STKLD1: variants seen among roughly 807,000 people sequenced by gnomAD.
STKLD1 encodes serine/threonine kinase like domain containing 1, also known as serine/threonine kinase-like domain-containing protein STKLD1.
STKLD1 carries 79 observed loss-of-function variants against 80.4 expected under a neutral mutation model. The observed-to-expected ratio is 0.98, with a 90% CI of 0.82 to 1.19. The LOEUF (loss-of-function observed/expected upper bound fraction) is 1.19, where lower values mean the gene tolerates loss of function less well. Among genes scored for constraint, STKLD1 ranks in the 50% most tolerant of loss-of-function variants. STKLD1 has a pLI of 0.00. For synonymous variants in STKLD1, 393 were observed against 357.6 expected (o/e 1.10, Z -1.12); for missense variants, 841 against 856.0 (o/e 0.98, Z 0.22).
At chr9:133,395,560 T>A (rs1554776576) in intron 8 of STKLD1, 40 bp from the exon 9 acceptor site, 1 of 1,581,852 alleles carries the variant, frequency 6.3e-7, no homozygotes. Context: ...AGTTTTCATT[T>A]ACTTAAGGGA....
At position 133,385,527 on chromosome 9, in the gene STKLD1, T is replaced by C. The variant is rs1409132189; in HGVS notation, c.220-90T>C. 13 of 1,279,270 alleles carry C rather than the reference T, an allele frequency of 1.0e-5. No individual in the cohort carries two copies. Among genetic ancestry groups the C allele is most frequent in the African/African-American group, 1.5e-5 (1 of 68,718 alleles). 79.2% of individuals were successfully genotyped at this position (1,279,270 alleles called of 1,614,324 possible). ...CCCAGCTCAGAGCCCGAGGCTTGCA[T>C]GTTTGTTGGGATGTGTGACAGAGAA... On this transcript the variant is annotated intron_variant, in intron 3 of 17. Transcript: ENST00000371957. The surrounding 1 kb of genome is among the most constrained non-coding windows in gnomAD (Gnocchi z 4.9).
chr9:133,391,841 TAA>T (rs375903398), intron 7 of STKLD1, among the ~76,000 whole-genome samples: 47 of 136,810 alleles, frequency 3.4e-4, no homozygotes, highest in African/African-American at 7.8e-4. Context: ...AATGATCAAT[TAA>T]AAAAAAAAAA....
At chr9:133,395,543 G>A (rs1208349768) in intron 8 of STKLD1, 57 bp from the exon 9 acceptor site, 4 of 1,566,572 alleles carry the variant, frequency 2.6e-6, no homozygotes, top group Non-Finnish European at 3.5e-6. Context: ...TGCCCATGCT[G>A]GGACCTAGTT....
At chr9:133,404,160 A>C in intron 16 of STKLD1, 112 bp downstream of exon 16, 1 of 1,327,890 alleles carries the variant, frequency 7.5e-7, no homozygotes, top group Non-Finnish European at 1.0e-6. Context: ...AACAAATCAA[A>C]AAGGAAAAGA....
chr9:133,389,602 T>TG lies in STKLD1; in HGVS notation c.467+10dup. ...CATTTGGACATCATCCACAGGTAAG[T>TG]GGGGCCCCTGACCTCTGCGGACTGG... On this transcript the variant is annotated splice_region_variant and intron_variant, in intron 6 of 17. Coordinates refer to ENST00000371957, the MANE Select transcript of STKLD1 (RefSeq NM_153710.5). This position sits in a 1 kb window ranked among gnomAD's most constrained non-coding sequence, Gnocchi z 6.4. The TG allele has an allele frequency of 6.2e-7, 1 of 1,613,390 alleles. No homozygotes were observed.
chr9:133,388,860 C>T (rs1411191112), intron 5 of STKLD1: 11 of 985,406 alleles, frequency 1.1e-5, no homozygotes, highest in South Asian at 4.7e-5. Context: ...GAGGCAGGCC[C>T]GGAGTGAGTT....
chr9:133,403,119 A>C, intron 14 of STKLD1, 107 bp downstream of exon 14: 2 of 1,159,162 alleles, frequency 1.7e-6, no homozygotes, highest in Non-Finnish European at 2.4e-6. Context: ...TGTCCCTAAA[A>C]CACAACAGCC....
chr9:133,387,727 G>A (rs1446622349), intron 5 of STKLD1, 179 bp downstream of exon 5: 2 of 692,932 alleles, frequency 2.9e-6, no homozygotes, highest in South Asian at 1.5e-5. Context: ...TAAGTGCACA[G>A]TTTGATGCAC....
rs2130261240 is a variant in STKLD1, at chr9:133,379,531, A to G, written c.174+409A>G. On this transcript the variant is annotated intron_variant, in intron 2 of 17. Transcript: ENST00000371957. ...AATTCAGGCCACCTCACTGGGGGAC[A>G]CCGTGCTACCCAGTGCTGGGTCACC... Among the ~76,000 whole-genome samples, 5 of 152,328 alleles carry G rather than the reference A, an allele frequency of 3.3e-5. No individual in the cohort carries two copies. The South Asian group carries it at 1.0e-3, about 32-fold the overall frequency.
At position 133,385,609 on chromosome 9, in the gene STKLD1, C is replaced by G; in HGVS notation, c.220-8C>G. The G allele has an allele frequency of 6.2e-7, 1 of 1,613,168 alleles. No homozygotes were observed. The highest frequency in any genetic ancestry group is 8.5e-7 in the Non-Finnish European group (1 of 1,179,878). ...GACTTCTCCGTTTCCTCTGCTCTAT[C>G]CTGGCAGCTGATGCCACTGCTGAAG... On this transcript the variant is annotated splice_polypyrimidine_tract_variant and splice_region_variant and intron_variant, in intron 3 of 17. Transcript: ENST00000371957. This position sits in a 1 kb window ranked among gnomAD's most constrained non-coding sequence, Gnocchi z 4.9.
intron 5 of STKLD1, among the ~76,000 whole-genome samples, chr9:133,388,013 T>C (rs2130281590): frequency 1.3e-5 from 2 of 152,220 alleles, no homozygotes; most frequent in East Asian, 3.8e-4. Context: ...TCATTTGGGC[T>C]GCTTCCAGTT....
chr9:133,403,067 C>T, intron 14 of STKLD1, 55 bp downstream of exon 14: 6 of 1,514,258 alleles, frequency 4.0e-6, no homozygotes, highest in Non-Finnish European at 5.3e-6. Flanking sequence ...CCCCCAGCCC[C>T]TCCCTAACTG....
Position 133,385,571 on chromosome 9 carries a change from G to C in STKLD1, c.220-46G>C. On this transcript the variant is annotated intron_variant, in intron 3 of 17. Coordinates refer to ENST00000371957, the MANE Select transcript of STKLD1 (RefSeq NM_153710.5). The surrounding 1 kb of genome is among the most constrained non-coding windows in gnomAD (Gnocchi z 4.9). Reference sequence around the variant, plus strand: ...CAGAGAAGCCCGAGCTGAGAAAGGCGTGGAGAGGCACTGACTTCTCCGTTT... The same window carrying C: ...CAGAGAAGCCCGAGCTGAGAAAGGCCTGGAGAGGCACTGACTTCTCCGTTT... The C allele has an allele frequency of 6.3e-7, 1 of 1,582,060 alleles. No individual in the cohort carries two copies. Among genetic ancestry groups the C allele is most frequent in the Non-Finnish European group, 8.7e-7 (1 of 1,152,670 alleles).
In STKLD1 at chr9:133,390,794, A is replaced by T; in HGVS notation, c.581A>T (p.Glu194Val). Residue 194 changes from glutamate (E) to valine (V), a missense_variant and splice_region_variant, in exon 7 of 18, where the codon GAA becomes GTA. Glu to Val is a moderately radical substitution (Grantham distance 121, BLOSUM62 -2). Transcript: ENST00000371957. The surrounding 1 kb of genome is among the most constrained non-coding windows in gnomAD (Gnocchi z 5.1). Reference sequence around the variant, plus strand: ...GCCAAATGGAATATTCGTGCGGAGGAAGGTGGCAGGGGCTCCCCCAGGTTG... The same window carrying T: ...GCCAAATGGAATATTCGTGCGGAGGTAGGTGGCAGGGGCTCCCCCAGGTTG... Reference protein sequence around the residue: ...DKAKWNIRAEEDPFRKSWMAP... With the variant: ...DKAKWNIRAEVDPFRKSWMAP... The T allele has an allele frequency of 1.9e-6, 3 of 1,612,764 alleles. No individual in the cohort carries two copies. The highest frequency in any genetic ancestry group is 2.5e-6 in the Non-Finnish European group (3 of 1,179,290).
intron 15 of STKLD1, 29 bp from the exon 16 acceptor site, chr9:133,403,891 G>A: frequency 6.2e-7 from 1 of 1,608,666 alleles, no homozygotes; most frequent in Non-Finnish European, 8.5e-7. Context: ...GGCACAGCAG[G>A]CACAAGGCAG....
Position 133,376,367 on chromosome 9 carries a change from A to C in STKLD1, c.-107A>C. ...GGCCAGCGCGCGGGAGGGACGCCTG[A>C]GTGCCTCGAGGGCGCCGTTCGGGCG... On this transcript the variant is annotated 5_prime_UTR_variant, in exon 1 of 18. Coordinates refer to ENST00000371957, the MANE Select transcript of STKLD1 (RefSeq NM_153710.5). 5.7e-6 allele frequency: 8 copies of C among 1,397,302 alleles called. No individual in the cohort carries two copies. The highest frequency in any genetic ancestry group is 6.6e-6 in the Non-Finnish European group (7 of 1,065,440). 86.6% of individuals were successfully genotyped at this position (1,397,302 alleles called of 1,614,324 possible).
Position 133,405,452 on chromosome 9 carries a change from C to T in STKLD1, c.*31C>T, listed in dbSNP as rs587712149. ...TGTATGGAACTGACCTTGATCTCCACGTGTATAGTTTTCAAGACTGCTCTC... is the reference window on the plus strand; with the variant it reads ...TGTATGGAACTGACCTTGATCTCCATGTGTATAGTTTTCAAGACTGCTCTC... On this transcript the variant is annotated 3_prime_UTR_variant, in exon 18 of 18. Coordinates refer to ENST00000371957, the MANE Select transcript of STKLD1 (RefSeq NM_153710.5). The T allele has an allele frequency of 4.5e-6, 7 of 1,562,934 alleles. No homozygotes were observed. The highest frequency in any genetic ancestry group is 4.5e-5 in the East Asian group (2 of 44,058).
intron 12 of STKLD1, 113 bp downstream of exon 12, chr9:133,400,642 C>A: frequency 2.4e-6 from 2 of 832,448 alleles, no homozygotes; most frequent in South Asian, 2.9e-5. Flanking sequence ...GAAGCCATGC[C>A]CTGCTCCCTG....
In STKLD1 at chr9:133,389,638, C is replaced by A; in HGVS notation, c.467+42C>A. ...ACCTCTGCGGACTGGCTGGCTGCTTCGGGAGAAAAGGCACTGAGGCCACTC... is the reference window on the plus strand; with the variant it reads ...ACCTCTGCGGACTGGCTGGCTGCTTAGGGAGAAAAGGCACTGAGGCCACTC... On this transcript the variant is annotated intron_variant, in intron 6 of 17. Coordinates refer to ENST00000371957, the MANE Select transcript of STKLD1 (RefSeq NM_153710.5). This position sits in a 1 kb window ranked among gnomAD's most constrained non-coding sequence, Gnocchi z 6.4. 1.9e-6 allele frequency: 3 copies of A among 1,610,784 alleles called. No individual in the cohort carries two copies. Among genetic ancestry groups the A allele is most frequent in the South Asian group, 2.2e-5 (2 of 90,728 alleles).
Sources: gnomAD v4.1 joint callset for allele counts (sites outside exome capture counted in the v4.1 genomes callset) on GRCh38, gnomAD v4.1.1 for gene constraint, Gnocchi (gnomAD v3.1) non-coding constraint, MANE v1.5 for transcripts, NCBI Gene and HGNC (gene_info 2026-07-23, HGNC 2026-07-21) for gene names.